Variants in IFT74 observed in about 807,000 individuals in gnomAD.
The protein encoded by IFT74 is intraflagellar transport 74.
In IFT74, 92 loss-of-function variants were observed where a neutral mutation model predicts 96.7. The ratio of observed to expected loss-of-function variants is 0.95; its 90% CI spans 0.80 to 1.13. The LOEUF (loss-of-function observed/expected upper bound fraction) is 1.13, where lower values mean the gene tolerates loss of function less well. IFT74 is among the 50% of genes most tolerant of loss of function. The pLI, the probability that IFT74 is intolerant of heterozygous loss-of-function variation, is 0.00. For missense variants in IFT74, 811 were observed against 698.2 expected (o/e 1.16, Z -1.82); for synonymous variants, 223 against 213.2 (o/e 1.05, Z -0.40).
chr9:27,028,252 T>C (rs1169815062), intron 12 of IFT74, among the ~76,000 whole-genome samples: 2 of 152,244 alleles, frequency 1.3e-5, no homozygotes, highest in Non-Finnish European at 2.9e-5. Context: ...TATAATCTTC[T>C]GCCAGTGGTA....
intron 9 of IFT74, among the ~76,000 whole-genome samples, chr9:27,010,533 G>C (rs1398349401): frequency 2.8e-5 from 4 of 140,970 alleles, no homozygotes; most frequent in Non-Finnish European, 6.1e-5. Context: ...TCTGTCGCCC[G>C]GGCTGGAGTG....
Position 27,011,933 on chromosome 9 carries a change from G to C in IFT74, c.754G>C (p.Asp252His). The stretch of plus-strand genomic sequence containing the variant: ...ATTAGATACACTTCAACAACAATTG[G>C]ATTCACAGAACATGAAAAAAGAGAG... ...QELDTLQQQL[D>H]SQNMKKESLE... Residue 252 changes from aspartate (D) to histidine (H), a missense_variant, in exon 10 of 20, where the codon GAT becomes CAT. Physicochemically the swap from Asp to His is moderately conservative, Grantham distance 81. Coordinates refer to ENST00000380062, the MANE Select transcript of IFT74 (RefSeq NM_025103.4). 6.3e-7 allele frequency: 1 copy of C among 1,583,336 alleles called. No homozygotes were observed. The highest frequency in any genetic ancestry group is 1.7e-4 in the Middle Eastern group (1 of 5,948).
At chr9:26,966,181 C>A (rs1193371900) in intron 2 of IFT74, among the ~76,000 whole-genome samples, 1 of 151,576 alleles carries the variant, frequency 6.6e-6, no homozygotes, top group Admixed American at 6.6e-5. Context: ...ATAATGATTT[C>A]TTTCCTTTTG....
At chr9:26,957,698 G>A (rs539122870) in intron 1 of IFT74, among the ~76,000 whole-genome samples, 2 of 152,166 alleles carry the variant, frequency 1.3e-5, no homozygotes, top group African/African-American at 4.8e-5. Flanking sequence ...AGCAGTCCAA[G>A]GACTGATTAC....
At chr9:27,016,400 A>G (rs1829345215) in intron 10 of IFT74, among the ~76,000 whole-genome samples, 1 of 152,186 alleles carries the variant, frequency 6.6e-6, no homozygotes, top group Non-Finnish European at 1.5e-5. Flanking sequence ...ATATGCAAAG[A>G]GCTTATTTCC....
chr9:26,952,465 C>T (rs1309319582), upstream of IFT74, among the ~76,000 whole-genome samples: 5 of 151,830 alleles, frequency 3.3e-5, no homozygotes, highest in Non-Finnish European at 7.4e-5. Context: ...TTAGTAGAGA[C>T]GGGGTTTCAC....
At chr9:26,967,885 T>C (rs1210154844) in intron 2 of IFT74, among the ~76,000 whole-genome samples, 1 of 152,222 alleles carries the variant, frequency 6.6e-6, no homozygotes, top group Admixed American at 6.5e-5. Context: ...TTTATCACAT[T>C]GATTGATTTG....
intron 13 of IFT74, among the ~76,000 whole-genome samples, chr9:27,030,213 G>C (rs1220123391): frequency 6.6e-6 from 1 of 152,096 alleles, no homozygotes; most frequent in South Asian, 2.1e-4. Flanking sequence ...TATGAGTTAG[G>C]TATGGTATAA....
chr9:27,064,630 T>G lies in IFT74; in HGVS notation c.*1894T>G, dbSNP rs1820553658. On this transcript the variant is annotated 3_prime_UTR_variant, in exon 20 of 20. Coordinates refer to ENST00000380062, the MANE Select transcript of IFT74 (RefSeq NM_025103.4). ...ACTATGGTCTCTTAATCACATTGAT[T>G]CTATTTCGTGGATACTTCCAAGGAG... 6.6e-6 allele frequency among the ~76,000 whole-genome samples: 1 copy of G among 152,124 alleles called. No individual in the cohort carries two copies. The highest frequency in any genetic ancestry group is 2.4e-5 in the African/African-American group (1 of 41,442).
chr9:27,050,268 A>C (rs1413807985), intron 16 of IFT74, among the ~76,000 whole-genome samples: 1 of 152,138 alleles, frequency 6.6e-6, no homozygotes, highest in African/African-American at 2.4e-5. Context: ...CATGTTTTCC[A>C]GGCTTGTCTC....
intron 8 of IFT74, among the ~76,000 whole-genome samples, chr9:26,997,003 G>C (rs1223767091): frequency 6.6e-6 from 1 of 152,038 alleles, no homozygotes; most frequent in Admixed American, 6.6e-5. Flanking sequence ...CTGAGGTCGG[G>C]AGTTTGAGAC....
Position 27,016,924 on chromosome 9 carries a change from G to A in IFT74, c.807G>A (p.Gln269=), listed in dbSNP as rs367956551. ...ESLEAEIAHS[Q]VKQEAVLLHE... is the part of the protein sequence containing the mutation. ...TCCTTTAGGAAATAGCTCACTCCCA[G>A]GTGAAACAGGAGGCGGTATTGCTGC... The change falls in exon 11 of 20, where the codon CAG becomes CAA. Residue 269 remains glutamine (Q), a synonymous_variant. Transcript: ENST00000380062. The A allele has an allele frequency of 1.2e-5, 19 of 1,605,040 alleles. No homozygotes were observed. Among genetic ancestry groups the A allele is most frequent in the Non-Finnish European group, 1.5e-5 (18 of 1,176,060 alleles).
rs1310905011 is a variant in IFT74 at position 27,064,166 on chromosome 9, C to T, written c.*1430C>T. Among the ~76,000 whole-genome samples, 1 of 152,094 alleles carries T rather than the reference C, an allele frequency of 6.6e-6. No homozygotes were observed. The highest frequency in any genetic ancestry group is 1.9e-4 in the East Asian group (1 of 5,196). On this transcript the variant is annotated 3_prime_UTR_variant, in exon 20 of 20. Transcript: ENST00000380062. ...AGAGCCTAGGTCACATGAGATGTGT[C>T]ATTCCAAGAAATAGACTTTGTACAC...
At chr9:26,965,578 G>A (rs923747788) in intron 2 of IFT74, among the ~76,000 whole-genome samples, 3 of 151,962 alleles carry the variant, frequency 2.0e-5, no homozygotes, top group Non-Finnish European at 4.4e-5. Flanking sequence ...TTTATAAAAA[G>A]AATCTGACAT....
Position 27,029,023 on chromosome 9 carries a change from A to G in IFT74, c.975-2A>G. ...TAAATTCATTAAAAATATTTTCAACAGGTTAACAGATACAAAAGAAAAGAT... is the reference window on the plus strand; with the variant it reads ...TAAATTCATTAAAAATATTTTCAACGGGTTAACAGATACAAAAGAAAAGAT... On this transcript the variant is annotated splice_acceptor_variant, in intron 12 of 19. Coordinates refer to ENST00000380062, the MANE Select transcript of IFT74 (RefSeq NM_025103.4). LOFTEE classifies it high-confidence loss of function. 1 of 1,578,620 alleles carries G rather than the reference A, an allele frequency of 6.3e-7. No homozygotes were observed. The highest frequency in any genetic ancestry group is 8.6e-7 in the Non-Finnish European group (1 of 1,160,364).
chr9:27,011,241 G>C (rs1204984368), intron 9 of IFT74, among the ~76,000 whole-genome samples: 1 of 152,038 alleles, frequency 6.6e-6, no homozygotes, highest in African/African-American at 2.4e-5. Flanking sequence ...AACAGAGCGA[G>C]ACTCTGTCTC....
intron 12 of IFT74, among the ~76,000 whole-genome samples, chr9:27,022,759 C>G (rs1469270102): frequency 6.6e-6 from 1 of 151,808 alleles, no homozygotes; most frequent in Non-Finnish European, 1.5e-5. Flanking sequence ...TCTTCTGCCT[C>G]AGCCTCCCGA....
chr9:27,060,545 G>A (rs1369248555), intron 18 of IFT74, 46 bp from the exon 19 acceptor site: 4 of 1,303,568 alleles, frequency 3.1e-6, no homozygotes, highest in Non-Finnish European at 4.3e-6. Flanking sequence ...GCATTTAATT[G>A]TTTTAAATAT....
At chr9:26,983,534 G>A (rs1208725527) in intron 4 of IFT74, among the ~76,000 whole-genome samples, 4 of 152,104 alleles carry the variant, frequency 2.6e-5, no homozygotes, top group Non-Finnish European at 1.5e-5. Context: ...GTACAAGATA[G>A]TGCTCAACAC....
Sources: gnomAD v4.1 joint callset for allele counts (sites outside exome capture counted in the v4.1 genomes callset) on GRCh38, gnomAD v4.1.1 for gene constraint, MANE v1.5 for transcripts, NCBI Gene and HGNC (gene_info 2026-07-23, HGNC 2026-07-21) for gene names.